CD300LB: variants seen among roughly 807,000 people sequenced by gnomAD.
CD300LB encodes the protein CD300 molecule like family member b.
A neutral mutation model predicts 20.8 loss-of-function variants in CD300LB; 18 were observed. That is an observed-to-expected ratio of 0.87 (90% CI 0.60 to 1.28). CD300LB has a LOEUF of 1.28. Ranked by LOEUF, CD300LB falls within the 50% of genes most tolerant of loss-of-function variation. The pLI is 0.00. For synonymous variants in CD300LB, 91 were observed against 91.3 expected (o/e 1.00, Z 0.02); for missense variants, 222 against 251.8 (o/e 0.88, Z 0.80).
At chr17:74,522,962 CCT>C in intron 3 of CD300LB, 62 bp from the exon 4 acceptor site, 1 of 1,511,834 alleles carries the variant, frequency 6.6e-7, no homozygotes, top group Non-Finnish European at 9.0e-7. Context: ...ACTCCCATCC[CCT>C]GACCCTGTGA....
intron 2 of CD300LB, 120 bp from the exon 3 acceptor site, chr17:74,523,771 A>G: frequency 1.4e-6 from 1 of 699,060 alleles, no homozygotes; most frequent in East Asian, 2.7e-5. Flanking sequence ...GAGTAGGAGG[A>G]TTTTTCTCTC....
At chr17:74,523,513 C>T (rs1236523996) in intron 3 of CD300LB, 66 bp downstream of exon 3, 1 of 1,160,098 alleles carries the variant, frequency 8.6e-7, no homozygotes, top group African/African-American at 1.5e-5. Flanking sequence ...GGCAGGAGTT[C>T]CCAGGCTTGG....
At chr17:74,527,321 C>G (rs1451950692) in intron 1 of CD300LB, among the ~76,000 whole-genome samples, 2 of 152,246 alleles carry the variant, frequency 1.3e-5, no homozygotes, top group African/African-American at 4.8e-5. Context: ...GATAAACAGG[C>G]AGAGAATCAC....
intron 1 of CD300LB, among the ~76,000 whole-genome samples, chr17:74,530,023 A>G (rs1377071211): frequency 6.6e-6 from 1 of 152,208 alleles, no homozygotes; most frequent in African/African-American, 2.4e-5. Context: ...AGGCTTCTAT[A>G]TGTTGTCAAG....
chr17:74,531,281 C>G, intron 1 of CD300LB, 30 bp downstream of exon 1: 3 of 1,521,324 alleles, frequency 2.0e-6, no homozygotes. Flanking sequence ...CCCTGTCATA[C>G]CAAGCGCCCA....
rs1907909714 is a variant in CD300LB, at chr17:74,522,425, G to A, written c.*313C>T. The A allele has an allele frequency of 9.4e-7, 1 of 1,069,376 alleles. No individual in the cohort carries two copies. Among genetic ancestry groups the A allele is most frequent in the Non-Finnish European group, 1.1e-6 (1 of 882,602 alleles). 66.2% of individuals were successfully genotyped at this position (1,069,376 alleles called of 1,614,324 possible). A position where few individuals can be genotyped will look rare whatever the true frequency, so the allele number is the denominator to read the frequency against. ...TCCCCCAACCTCTTTCTGTACTTTG[G>A]TCCCATGCTCTGTGCCCGAGTTATT... is the stretch of plus-strand genomic sequence containing the variant. On this transcript the variant is annotated 3_prime_UTR_variant, in exon 4 of 4. Transcript: ENST00000392621.
intron 1 of CD300LB, among the ~76,000 whole-genome samples, chr17:74,528,714 G>A (rs1908108614): frequency 6.6e-6 from 1 of 152,012 alleles, no homozygotes; most frequent in Non-Finnish European, 1.5e-5. Context: ...GAGCTTTGAT[G>A]CAGAAAGACT....
At chr17:74,522,974 A>G (rs1907929016) in intron 3 of CD300LB, 74 bp from the exon 4 acceptor site, 2 of 1,421,658 alleles carry the variant, frequency 1.4e-6, no homozygotes, top group South Asian at 1.3e-5. Context: ...TGACCCTGTG[A>G]GCCACCAGCC....
chr17:74,522,408 C>A lies in CD300LB; in HGVS notation c.*330G>T. Reference sequence around the variant, plus strand: ...CTAGGGCTGGGGGGGTCTCCCCCAACCTCTTTCTGTACTTTGGTCCCATGC... The same window carrying A: ...CTAGGGCTGGGGGGGTCTCCCCCAAACTCTTTCTGTACTTTGGTCCCATGC... On this transcript the variant is annotated 3_prime_UTR_variant, in exon 4 of 4. Coordinates refer to ENST00000392621, the MANE Select transcript of CD300LB (RefSeq NM_174892.4). 1 of 1,043,882 alleles carries A rather than the reference C, an allele frequency of 9.6e-7. No individual in the cohort carries two copies. Among genetic ancestry groups the A allele is most frequent in the African/African-American group, 1.7e-5 (1 of 59,544 alleles). The allele number at this position is 1,043,882 out of a possible 1,614,324, so 64.7% of individuals were successfully genotyped here.
chr17:74,522,004 C>G lies in CD300LB; in HGVS notation c.*734G>C. The G allele has an allele frequency of 1.0e-6, 1 of 985,444 alleles. No homozygotes were observed. Among genetic ancestry groups the G allele is most frequent in the Non-Finnish European group, 1.2e-6 (1 of 829,946 alleles). 61.0% of individuals were successfully genotyped at this position (985,444 alleles called of 1,614,324 possible). Reference sequence around the variant, plus strand: ...GGCTCTTTTGGGGAGGAGACCCAAGCTGTCATGCTGAGGAGGCTCCCAAGC... The same window carrying G: ...GGCTCTTTTGGGGAGGAGACCCAAGGTGTCATGCTGAGGAGGCTCCCAAGC... On this transcript the variant is annotated 3_prime_UTR_variant, in exon 4 of 4. Transcript: ENST00000392621.
intron 1 of CD300LB, among the ~76,000 whole-genome samples, chr17:74,526,511 G>A (rs867031801): frequency 5.3e-5 from 8 of 152,192 alleles, no homozygotes; most frequent in Non-Finnish European, 8.8e-5. Context: ...TCAGGAGTTC[G>A]AGACCTGCAT....
Position 74,526,048 on chromosome 17 carries a change from C to G in CD300LB, c.70G>C (p.Val24Leu). 6.2e-7 allele frequency: 1 copy of G among 1,614,046 alleles called. No homozygotes were observed. Among genetic ancestry groups the G allele is most frequent in the Non-Finnish European group, 8.5e-7 (1 of 1,179,908 alleles). ...AGGGACCCCTGCTCTGGGGCTCTCA[C>G]AGACTCTGGGCCTTGGATGGAGAAA... ...GCFSIQGPESVRAPEQGSLTV... is the reference protein window; with the variant it reads ...GCFSIQGPESLRAPEQGSLTV... The change falls in exon 2 of 4, where the codon GTG becomes CTG. Residue 24 changes from valine to leucine, a missense_variant. Val to Leu is a conservative substitution (Grantham distance 32, BLOSUM62 1). Transcript: ENST00000392621.
rs999634011 is a variant in CD300LB, at chr17:74,522,390, TG to T, written c.*347del. ...CTCCGGAATGATGGAAGTCTAGGGC[TG>T]GGGGGGTCTCCCCCAACCTCTTTCT... On this transcript the variant is annotated 3_prime_UTR_variant, in exon 4 of 4. Transcript: ENST00000392621. The T allele has an allele frequency of 1.5e-4, 154 of 1,027,370 alleles. No homozygotes were observed. The highest frequency in any genetic ancestry group is 4.7e-4 in the Middle Eastern group (1 of 2,146). The allele number at this position is 1,027,370 out of a possible 1,614,324, so 63.6% of individuals were successfully genotyped here.
chr17:74,522,789 C>T lies in CD300LB; in HGVS notation c.555G>A (p.Gln185=). 1 of 1,614,192 alleles carries T rather than the reference C, an allele frequency of 6.2e-7. No individual in the cohort carries two copies. The highest frequency in any genetic ancestry group is 8.5e-7 in the Non-Finnish European group (1 of 1,180,034). ...GTTCGGAGAAGTTCATGTAGATAGG[C>T]TGTTCCCCTGGCTCCTCAGGGACCC... ...SQRVPEEPGE[Q]PIYMNFSEPL... is the part of the protein sequence containing the mutation. Residue 185 remains glutamine (Q), a synonymous_variant, in exon 4 of 4, where the codon CAG becomes CAA. Transcript: ENST00000392621.
At chr17:74,526,237 G>A (rs981775198) in intron 1 of CD300LB, among the ~76,000 whole-genome samples, 160 bp from the exon 2 acceptor site, 8 of 152,258 alleles carry the variant, frequency 5.3e-5, no homozygotes, top group Admixed American at 2.6e-4. Flanking sequence ...TAAGAGTCCC[G>A]AGTGTGTCTC....
At chr17:74,527,592 T>A (rs992183952) in intron 1 of CD300LB, among the ~76,000 whole-genome samples, 6 of 152,336 alleles carry the variant, frequency 3.9e-5, no homozygotes, top group African/African-American at 1.4e-4. Flanking sequence ...ACTCTGCCGA[T>A]GTGATGAAGT....
At chr17:74,524,024 G>A (rs753907914) in intron 2 of CD300LB, among the ~76,000 whole-genome samples, 10 of 152,174 alleles carry the variant, frequency 6.6e-5, no homozygotes, top group Non-Finnish European at 1.3e-4. Flanking sequence ...AGGGCTTAAG[G>A]AGAGAAGATT....
intron 1 of CD300LB, among the ~76,000 whole-genome samples, chr17:74,527,049 C>G (rs1567999903): frequency 6.6e-6 from 1 of 152,258 alleles, no homozygotes; most frequent in Non-Finnish European, 1.5e-5. Context: ...CAAAGACACA[C>G]TGGATGTCTC....
At chr17:74,529,742 G>T (rs572955180) in intron 1 of CD300LB, among the ~76,000 whole-genome samples, 1 of 152,072 alleles carries the variant, frequency 6.6e-6, no homozygotes, top group African/African-American at 2.4e-5. Context: ...GTGAGCCAAG[G>T]TTGCACCACT....
Sources: allele counts gnomAD v4.1 joint callset (sites outside exome capture counted in the v4.1 genomes callset), GRCh38; gene constraint gnomAD v4.1.1; transcripts MANE v1.5; gene names NCBI Gene and HGNC (gene_info 2026-07-23, HGNC 2026-07-21).